Variants in DCC observed in about 807,000 individuals in gnomAD.
The protein encoded by DCC is netrin receptor DCC.
A neutral mutation model predicts 172.5 loss-of-function variants in DCC; 58 were observed. The ratio of observed to expected loss-of-function variants is 0.34; its 90% CI spans 0.27 to 0.42. The LOEUF is 0.42. DCC is among the 10% of genes least tolerant of loss of function. The probability of loss-of-function intolerance (pLI) is 1.00; values close to 1 mark genes in which losing one functional copy is unlikely to be tolerated. For missense variants in DCC, 1,740 were observed against 1,791.0 expected (o/e 0.97, Z 0.51); for synonymous variants, 709 against 644.5 (o/e 1.10, Z -1.52).
rs1296102380 is a variant in DCC, at chr18:52,656,004, ATATATATATGTGTGTATATATATG to A, written c.92-96042_92-96019del. The stretch of plus-strand genomic sequence containing the variant: ...TGTGTGTGTATATATATATGTGCGT[ATATATATATGTGTGTATATATATG>A]TATATATGTGTGTATATATATGTAT... On this transcript the variant is annotated intron_variant, in intron 1 of 28. Coordinates refer to ENST00000442544, the MANE Select transcript of DCC (RefSeq NM_005215.4). Among the ~76,000 whole-genome samples the A allele has an allele frequency of 1.2e-4, 12 of 99,970 alleles. No individual in the cohort carries two copies. In the South Asian group the frequency reaches 2.5e-3, roughly 21 times the overall value. The allele number at this position is 99,970 out of a possible 152,430, so 65.6% of individuals were successfully genotyped here.
chr18:52,372,134 C>T lies in DCC; in HGVS notation c.91+31256C>T, dbSNP rs1985147080. Among the ~76,000 whole-genome samples, 7 of 152,178 alleles carry T rather than the reference C, an allele frequency of 4.6e-5. No individual in the cohort carries two copies. The South Asian group carries it at 1.4e-3, about 31-fold the overall frequency. On this transcript the variant is annotated intron_variant, in intron 1 of 28. Coordinates refer to ENST00000442544, the MANE Select transcript of DCC (RefSeq NM_005215.4). ...TGGGGTGAACAATGCTTTAGTTATGCCCTCTTCTTTTGCCTCCAACTACAA... is the reference window on the plus strand; with the variant it reads ...TGGGGTGAACAATGCTTTAGTTATGTCCTCTTCTTTTGCCTCCAACTACAA...
intron 1 of DCC, among the ~76,000 whole-genome samples, chr18:52,596,082 T>G (rs1211903923): frequency 6.6e-6 from 1 of 152,230 alleles, no homozygotes; most frequent in South Asian, 2.1e-4. Context: ...TATTGGCTCC[T>G]AATTTAGATT....
intron 2 of DCC, among the ~76,000 whole-genome samples, chr18:52,753,202 C>T (rs1257970188): frequency 6.6e-6 from 1 of 152,068 alleles, no homozygotes; most frequent in African/African-American, 2.4e-5. Context: ...AGCTACATAA[C>T]CATTTTTCAT....
At chr18:53,327,445 G>A (rs2046067668) in intron 14 of DCC, among the ~76,000 whole-genome samples, 1 of 150,646 alleles carries the variant, frequency 6.6e-6, no homozygotes, top group Non-Finnish European at 1.5e-5. Flanking sequence ...TTGGAAATCT[G>A]TTTATGATAC....
At chr18:53,236,768 G>A (rs144478650) in intron 12 of DCC, among the ~76,000 whole-genome samples, 54 of 152,068 alleles carry the variant, frequency 3.6e-4, no homozygotes, top group African/African-American at 1.2e-3. Flanking sequence ...TTAAGGAAGG[G>A]GCCAAGGTTA....
chr18:52,820,514 G>T (rs2038386751), intron 2 of DCC, among the ~76,000 whole-genome samples: 1 of 151,948 alleles, frequency 6.6e-6, no homozygotes, highest in East Asian at 1.9e-4. Flanking sequence ...AATTTCTAGA[G>T]CTCGTGGGTC....
intron 1 of DCC, among the ~76,000 whole-genome samples, chr18:52,531,588 T>A (rs775736027): frequency 1.3e-5 from 2 of 152,196 alleles, no homozygotes; most frequent in Non-Finnish European, 2.9e-5. Context: ...TTGAAATATG[T>A]TTCTCTGTGT....
intron 2 of DCC, among the ~76,000 whole-genome samples, chr18:52,803,261 A>T (rs1227934199): frequency 1.3e-5 from 2 of 152,220 alleles, no homozygotes; most frequent in Admixed American, 1.3e-4. Context: ...CACTTTTTCC[A>T]TGATAAACAA....
intron 1 of DCC, among the ~76,000 whole-genome samples, chr18:52,642,604 T>A (rs1372412619): frequency 6.6e-6 from 1 of 152,174 alleles, no homozygotes; most frequent in Non-Finnish European, 1.5e-5. Context: ...TTGCTCATGA[T>A]GTTCTTAATA....
chr18:52,633,233 G>A (rs2034711290), intron 1 of DCC, among the ~76,000 whole-genome samples: 1 of 152,040 alleles, frequency 6.6e-6, no homozygotes, highest in Non-Finnish European at 1.5e-5. Flanking sequence ...TCATCAGCAG[G>A]ATCCATTCAT....
intron 1 of DCC, among the ~76,000 whole-genome samples, chr18:52,425,722 T>C (rs969172115): frequency 2.0e-5 from 3 of 152,110 alleles, no homozygotes; most frequent in African/African-American, 4.8e-5. Context: ...CCCTCATTCA[T>C]TGGGATCCCA....
chr18:52,925,292 G>C lies in DCC; in HGVS notation c.907G>C (p.Asp303His). The C allele has an allele frequency of 6.2e-7, 1 of 1,612,046 alleles. No homozygotes were observed. The highest frequency in any genetic ancestry group is 1.7e-4 in the Middle Eastern group (1 of 6,058). ...SNLLISNVTD[D>H]DSGMYTCVVT... The stretch of plus-strand genomic sequence containing the variant: ...CTTGCTTATCTCCAATGTGACAGAT[G>C]ATGACAGTGGAATGTATACCTGTGT... Residue 303 changes from aspartate (D) to histidine (H), a missense_variant, in exon 5 of 29, where the codon GAT becomes CAT. This residue lies in a region of DCC where 1,732 missense variants were observed against 1,767.4 expected (regional missense o/e 0.98). Transcript: ENST00000442544.
At chr18:52,406,940 T>C (rs1317397964) in intron 1 of DCC, among the ~76,000 whole-genome samples, 1 of 152,094 alleles carries the variant, frequency 6.6e-6, no homozygotes, top group Non-Finnish European at 1.5e-5. Context: ...CAGGTTTGTT[T>C]TGTATTTTCA....
At chr18:52,677,012 A>C (rs1342110664) in intron 1 of DCC, among the ~76,000 whole-genome samples, 1 of 152,168 alleles carries the variant, frequency 6.6e-6, no homozygotes, top group East Asian at 1.9e-4. Flanking sequence ...ACTTGAACAT[A>C]ATAAATCCTC....
At chr18:53,124,121 A>C (rs906048833) in intron 7 of DCC, among the ~76,000 whole-genome samples, 1 of 152,082 alleles carries the variant, frequency 6.6e-6, no homozygotes, top group Non-Finnish European at 1.5e-5. Flanking sequence ...TATTCCTGTA[A>C]TAACACTTTT....
intron 5 of DCC, among the ~76,000 whole-genome samples, chr18:53,015,222 T>A (rs1416734348): frequency 6.6e-6 from 1 of 151,568 alleles, no homozygotes; most frequent in East Asian, 1.9e-4. Flanking sequence ...ATTCAAAAAT[T>A]ATTTATAGCA....
chr18:53,459,544 C>A, intron 24 of DCC, 86 bp downstream of exon 24: 1 of 863,388 alleles, frequency 1.2e-6, no homozygotes, highest in Non-Finnish European at 1.9e-6. Flanking sequence ...AATGTCTTCC[C>A]TACTAATTTG....
intron 12 of DCC, among the ~76,000 whole-genome samples, chr18:53,297,759 G>A (rs1318667926): frequency 6.6e-6 from 1 of 152,172 alleles, no homozygotes; most frequent in Non-Finnish European, 1.5e-5. Context: ...ATGCCTGAAT[G>A]CTTTCATTTA....
intron 1 of DCC, among the ~76,000 whole-genome samples, chr18:52,665,391 C>T (rs1192824616): frequency 2.6e-5 from 4 of 152,198 alleles, no homozygotes; most frequent in Non-Finnish European, 4.4e-5. Context: ...ATAGTTACCT[C>T]GGAGAACTCA....
Sources: allele counts gnomAD v4.1 joint callset (sites outside exome capture counted in the v4.1 genomes callset), GRCh38; gene constraint gnomAD v4.1.1; regional missense constraint gnomAD v4.1.1; transcripts MANE v1.5; gene names NCBI Gene and HGNC (gene_info 2026-07-23, HGNC 2026-07-21).